CCT5: variants seen among roughly 807,000 people sequenced by gnomAD.
CCT5 encodes T-complex protein 1 subunit epsilon.
Under a neutral mutation model 55.0 loss-of-function variants are expected in CCT5, and 6 were observed. That is an observed-to-expected ratio of 0.11 (90% CI 0.06 to 0.22). The LOEUF (loss-of-function observed/expected upper bound fraction) is 0.22, where lower values mean the gene tolerates loss of function less well. CCT5 is among the 10% of genes least tolerant of loss of function. The pLI is 1.00. For missense variants in CCT5, 560 were observed against 694.6 expected (o/e 0.81, Z 2.18); for synonymous variants, 231 against 243.7 (o/e 0.95, Z 0.49).
rs1746234871 is a variant in CCT5, at chr5:10,266,359, CATTT to C, written c.*1581_*1584del. On this transcript the variant is annotated 3_prime_UTR_variant, in exon 11 of 11. Transcript: ENST00000280326. ...TTTCACAAGCCTTTGATTTTTGTTT[CATTT>C]ATTTGTAATAAACCTCTTCCACGTG... The C allele has an allele frequency of 6.6e-6, 1 of 152,176 alleles. No homozygotes were observed. Among genetic ancestry groups the C allele is most frequent in the African/African-American group, 2.4e-5 (1 of 41,460 alleles). 9.4% of individuals were successfully genotyped at this position (152,176 alleles called of 1,614,324 possible). A position where few individuals can be genotyped will look rare whatever the true frequency, so the allele number is the denominator to read the frequency against.
intron 2 of CCT5, chr5:10,254,472 T>C: frequency 1.6e-6 from 1 of 626,702 alleles, no homozygotes; most frequent in Admixed American, 2.7e-5. Context: ...ATTAACATTA[T>C]ACTTAATGAT....
At chr5:10,261,827 G>A (rs1554011598) in intron 8 of CCT5, 82 bp downstream of exon 8, 1 of 1,047,664 alleles carries the variant, frequency 9.5e-7, no homozygotes, top group Non-Finnish European at 1.5e-6. Flanking sequence ...ATTTAACAGA[G>A]ACACAGTCAC....
At chr5:10,261,849 T>G (rs1227668603) in intron 8 of CCT5, 104 bp downstream of exon 8, 1 of 916,422 alleles carries the variant, frequency 1.1e-6, no homozygotes, top group Non-Finnish European at 1.8e-6. Flanking sequence ...ATAAGAAAAA[T>G]AATCGTGGTT....
At position 10,265,910 on chromosome 5, in the gene CCT5, G is replaced by T. The variant is rs1443622767; in HGVS notation, c.*1127G>T. ...GTCAGATTTCCTAGAATTAGGAAAT[G>T]GTGACTCTTGTCTAAATTTGGTTAA... On this transcript the variant is annotated 3_prime_UTR_variant, in exon 11 of 11. Coordinates refer to ENST00000280326, the MANE Select transcript of CCT5 (RefSeq NM_012073.5). 3 of 152,064 alleles carry T rather than the reference G, an allele frequency of 2.0e-5. No homozygotes were observed. Among genetic ancestry groups the T allele is most frequent in the Non-Finnish European group, 4.4e-5 (3 of 68,010 alleles). 9.4% of individuals were successfully genotyped at this position (152,064 alleles called of 1,614,324 possible). A position where few individuals can be genotyped will look rare whatever the true frequency, so the allele number is the denominator to read the frequency against.
At position 10,260,842 on chromosome 5, in the gene CCT5, T is replaced by C. The variant is rs376536268; in HGVS notation, c.924T>C (p.Asp308=). Residue 308 remains aspartate (D), a synonymous_variant, in exon 7 of 11, where the codon GAT becomes GAC. Transcript: ENST00000280326. ...CAATTTGTCAGTGGGGCTTTGATGATGAAGCAAATCACTTACTTCTTCAGA... is the reference window on the plus strand; with the variant it reads ...CAATTTGTCAGTGGGGCTTTGATGACGAAGCAAATCACTTACTTCTTCAGA... The part of the protein sequence containing the change: ...NLAICQWGFD[D]EANHLLLQNN... 2.5e-5 allele frequency: 40 copies of C among 1,613,832 alleles called. No individual in the cohort carries two copies. Among genetic ancestry groups the C allele is most frequent in the Middle Eastern group, 3.3e-4 (2 of 6,080 alleles).
Position 10,250,527 on chromosome 5 carries a change from C to T in CCT5, c.105+82C>T, listed in dbSNP as rs530248547. ...CTCTGCGCCTGCGCGAGTTGAGGAG[C>T]GGCTCTGCCATGTGCTCCCCGGAAA... On this transcript the variant is annotated intron_variant, in intron 1 of 10. Coordinates refer to ENST00000280326, the MANE Select transcript of CCT5 (RefSeq NM_012073.5). 364 of 1,578,000 alleles carry T rather than the reference C, an allele frequency of 2.3e-4. 1 individual carries two copies. In the African/African-American group the frequency reaches 3.9e-3, roughly 17 times the overall value.
chr5:10,259,276 T>C (rs1745838081), intron 6 of CCT5, among the ~76,000 whole-genome samples: 2 of 152,196 alleles, frequency 1.3e-5, no homozygotes, highest in South Asian at 4.1e-4. Context: ...CAACTCCTCT[T>C]TGGGGGCTGC....
chr5:10,260,593 T>C (rs1745911075), intron 6 of CCT5, among the ~76,000 whole-genome samples, 199 bp from the exon 7 acceptor site: 1 of 152,204 alleles, frequency 6.6e-6, no homozygotes, highest in South Asian at 2.1e-4. Flanking sequence ...GTGATCCCCA[T>C]TGATAAAATA....
chr5:10,263,040 C>T (rs1746042869), intron 9 of CCT5, 94 bp from the exon 10 acceptor site: 1 of 1,041,852 alleles, frequency 9.6e-7, no homozygotes, highest in Non-Finnish European at 1.5e-6. Flanking sequence ...TGTGAGCTGA[C>T]TTTTCAAAGT....
At chr5:10,263,820 G>A (rs958521007) in intron 10 of CCT5, among the ~76,000 whole-genome samples, 1 of 152,188 alleles carries the variant, frequency 6.6e-6, no homozygotes, top group Non-Finnish European at 1.5e-5. Flanking sequence ...TACTAAATCA[G>A]GCCATGTCTG....
Position 10,265,152 on chromosome 5 carries a change from CAA to C in CCT5, c.*370_*371del. On this transcript the variant is annotated 3_prime_UTR_variant, in exon 11 of 11. Transcript: ENST00000280326. ...TTTTAACAGCTTAAACAGGAGCTCT[CAA>C]GATGCACTTTCATATTGAGAGGAAT... 4.2e-6 allele frequency: 1 copy of C among 240,522 alleles called. No individual in the cohort carries two copies. The highest frequency in any genetic ancestry group is 8.2e-6 in the Non-Finnish European group (1 of 121,988). The allele number at this position is 240,522 out of a possible 1,614,324, so 14.9% of individuals were successfully genotyped here. A position where few individuals can be genotyped will look rare whatever the true frequency, so the allele number is the denominator to read the frequency against.
Position 10,262,611 on chromosome 5 carries a change from C to T in CCT5, c.1310C>T (p.Ala437Val), listed in dbSNP as rs149067488. ...ISCALAVSQEADKCPTLEQYA... is the reference protein window; with the variant it reads ...ISCALAVSQEVDKCPTLEQYA... ...TGTGCCCTGGCAGTTAGCCAAGAGG[C>T]GGATAAGGTAAGGGATCTGTGCAGA... Residue 437 changes from alanine to valine, a missense_variant, in exon 9 of 11, where the codon GCG becomes GTG. Physicochemically the swap from Ala to Val is moderately conservative, Grantham distance 64. This residue lies in a region of CCT5 where 256 missense variants were observed against 372.4 expected (regional missense o/e 0.69). Coordinates refer to ENST00000280326, the MANE Select transcript of CCT5 (RefSeq NM_012073.5). The T allele has an allele frequency of 4.0e-5, 64 of 1,614,020 alleles. No individual in the cohort carries two copies. Among genetic ancestry groups the T allele is most frequent in the Non-Finnish European group, 4.7e-5 (55 of 1,180,010 alleles).
chr5:10,258,365 T>C (rs1745785220), intron 5 of CCT5, 21 bp from the exon 6 acceptor site: 1 of 1,614,098 alleles, frequency 6.2e-7, no homozygotes. Flanking sequence ...CCAATTAAAA[T>C]GTCTTTATGT....
intron 1 of CCT5, among the ~76,000 whole-genome samples, chr5:10,253,898 CATT>C (rs1321465162): frequency 2.6e-5 from 4 of 152,208 alleles, no homozygotes; most frequent in Non-Finnish European, 5.9e-5. Flanking sequence ...GAATCTGTCT[CATT>C]AATGTGTTGA....
intron 1 of CCT5, 43 bp from the exon 2 acceptor site, chr5:10,254,102 A>G (rs767014834): frequency 4.5e-6 from 6 of 1,336,676 alleles, no homozygotes; most frequent in Non-Finnish European, 5.4e-6. Flanking sequence ...TAACCATTGA[A>G]ATTATATGTA....
rs1323483213 is a variant in CCT5 at position 10,254,185 on chromosome 5, G to C, written c.146G>C (p.Arg49Thr). The stretch of plus-strand genomic sequence containing the variant: ...GCAAAGGCTGTAGCAAATACAATGA[G>C]AACATCACTTGGACCAAATGGTAAG... ...MAAKAVANTM[R>T]TSLGPNGLDK... is the part of the protein sequence containing the mutation. Residue 49 changes from arginine (R) to threonine (T), a missense_variant, in exon 2 of 11, where the codon AGA becomes ACA. Arg to Thr is a moderately conservative substitution (Grantham distance 71). Coordinates refer to ENST00000280326, the MANE Select transcript of CCT5 (RefSeq NM_012073.5). 1 of 1,608,068 alleles carries C rather than the reference G, an allele frequency of 6.2e-7. No homozygotes were observed. The highest frequency in any genetic ancestry group is 1.1e-5 in the South Asian group (1 of 90,934).
chr5:10,261,499 A>G (rs1745957473), intron 7 of CCT5, 61 bp from the exon 8 acceptor site: 2 of 1,534,646 alleles, frequency 1.3e-6, no homozygotes, highest in East Asian at 4.5e-5. Flanking sequence ...TTTGTGGCCC[A>G]GTTTTGAAAG....
chr5:10,250,075 C>G, upstream of CCT5: 3 of 1,538,318 alleles, frequency 2.0e-6, no homozygotes, highest in Non-Finnish European at 2.6e-6. Context: ...CAAATTCAAT[C>G]TGCTCTTGAC....
chr5:10,264,779 A>G lies in CCT5; in HGVS notation c.1622A>G (p.Glu541Gly). 1 of 1,611,338 alleles carries G rather than the reference A, an allele frequency of 6.2e-7. No individual in the cohort carries two copies. Among genetic ancestry groups the G allele is most frequent in the Non-Finnish European group, 8.5e-7 (1 of 1,177,440 alleles). Reference protein sequence around the residue: ...DDIRKPGESEE With the variant: ...DDIRKPGESEG ...ATTCGTAAGCCTGGAGAATCTGAAGAATGAAGACATTGAGAAAACTATGTA... is the reference window on the plus strand; with the variant it reads ...ATTCGTAAGCCTGGAGAATCTGAAGGATGAAGACATTGAGAAAACTATGTA... The change falls in exon 11 of 11, where the codon GAA (glutamate) becomes GGA (glycine). Residue 541 changes from glutamate (E) to glycine (G), a missense_variant. By Grantham distance (98) the Glu-to-Gly change is moderately conservative. Around this residue, in one of 4 missense-constraint regions of CCT5, gnomAD observed 115 missense variants for 105.0 expected, o/e 1.10. Coordinates refer to ENST00000280326, the MANE Select transcript of CCT5 (RefSeq NM_012073.5).
Sources: allele counts gnomAD v4.1 joint callset (sites outside exome capture counted in the v4.1 genomes callset), GRCh38; gene constraint gnomAD v4.1.1; regional missense constraint gnomAD v4.1.1; transcripts MANE v1.5; gene names NCBI Gene and HGNC (gene_info 2026-07-23, HGNC 2026-07-21).